Variants in CTNNA3 observed in about 807,000 individuals in gnomAD.
CTNNA3 encodes the protein catenin alpha 3, also known as catenin alpha-3.
A neutral mutation model predicts 95.7 loss-of-function variants in CTNNA3; 76 were observed. The ratio of observed to expected loss-of-function variants is 0.79; its 90% CI spans 0.66 to 0.96. The LOEUF is 0.96. Among genes scored for constraint, CTNNA3 ranks in the 40% least tolerant of loss-of-function variants. CTNNA3 has a pLI of 0.00. For missense variants in CTNNA3, 1,191 were observed against 1,089.8 expected (o/e 1.09, Z -1.31); for synonymous variants, 431 against 374.4 (o/e 1.15, Z -1.74).
intron 10 of CTNNA3, among the ~76,000 whole-genome samples, chr10:66,537,545 T>C (rs1841702805): frequency 6.6e-6 from 1 of 150,520 alleles, no homozygotes; most frequent in African/African-American, 2.4e-5. Context: ...GAATTATTTA[T>C]TTATTAAATT....
At chr10:67,400,992 T>C (rs1844896729) in intron 5 of CTNNA3, among the ~76,000 whole-genome samples, 1 of 152,212 alleles carries the variant, frequency 6.6e-6, no homozygotes, top group South Asian at 2.1e-4. Flanking sequence ...ATACTTCAGA[T>C]ATAAAATTTT....
chr10:66,529,823 G>A (rs981347935), intron 10 of CTNNA3, among the ~76,000 whole-genome samples: 1 of 152,084 alleles, frequency 6.6e-6, no homozygotes, highest in Non-Finnish European at 1.5e-5. Flanking sequence ...ACTCTAGATT[G>A]GAAGCCAAGA....
intron 1 of CTNNA3, among the ~76,000 whole-genome samples, chr10:67,735,146 A>AAC (rs200624685): frequency 0.055 from 4,734 of 85,810 alleles, 94 homozygotes; most frequent in Non-Finnish European, 0.07. Context: ...CACACACACA[A>AAC]ACACACACAC....
chr10:66,801,197 G>A (rs1249206589), intron 7 of CTNNA3, among the ~76,000 whole-genome samples: 1 of 151,264 alleles, frequency 6.6e-6, no homozygotes, highest in Non-Finnish European at 1.5e-5. Context: ...AAGAAAAAAT[G>A]TCTCACACAT....
At chr10:66,347,359 C>T (rs951290856) in intron 12 of CTNNA3, among the ~76,000 whole-genome samples, 1 of 151,918 alleles carries the variant, frequency 6.6e-6, no homozygotes, top group Non-Finnish European at 1.5e-5. Flanking sequence ...ACCTGTAATC[C>T]AAGCACTTTG....
chr10:66,404,427 C>A (rs140612506), intron 11 of CTNNA3, among the ~76,000 whole-genome samples: 61 of 152,238 alleles, frequency 4.0e-4, no homozygotes, highest in African/African-American at 1.3e-3. Flanking sequence ...GAACCTGTTA[C>A]ATGATTGACT....
rs1157714295 is a variant in CTNNA3, at chr10:66,861,286, CCACTGGG to C, written c.1048-85769_1048-85763del. 2.0e-5 allele frequency among the ~76,000 whole-genome samples: 3 copies of C among 152,254 alleles called. No homozygotes were observed. In the East Asian group the frequency reaches 5.8e-4, roughly 29 times the overall value. ...TGTTACAACATTGATAAGGAACTTC[CCACTGGG>C]GCCACTGTCTGTGTGGAGTTTGCAC... On this transcript the variant is annotated intron_variant, in intron 7 of 17. Transcript: ENST00000433211.
intron 7 of CTNNA3, among the ~76,000 whole-genome samples, chr10:66,934,047 T>C (rs986598513): frequency 2.0e-5 from 3 of 152,052 alleles, no homozygotes; most frequent in African/African-American, 7.2e-5. Context: ...CCTGAACACG[T>C]GAGGAAAATT....
At chr10:66,446,401 T>A (rs951953909) in intron 11 of CTNNA3, among the ~76,000 whole-genome samples, 1 of 152,054 alleles carries the variant, frequency 6.6e-6, no homozygotes, top group Non-Finnish European at 1.5e-5. Context: ...ATATCCTTGA[T>A]GAACATTGAT....
intron 7 of CTNNA3, among the ~76,000 whole-genome samples, chr10:66,794,820 A>T (rs1841125043): frequency 6.6e-6 from 1 of 152,046 alleles, no homozygotes; most frequent in Non-Finnish European, 1.5e-5. Flanking sequence ...GACATTCTAA[A>T]TCCTTTTTTG....
intron 5 of CTNNA3, among the ~76,000 whole-genome samples, chr10:67,327,800 G>A (rs1457868884): frequency 6.6e-6 from 1 of 152,244 alleles, no homozygotes; most frequent in Non-Finnish European, 1.5e-5. Context: ...GTTCACCACA[G>A]TGGCAAAGTC....
At chr10:67,240,803 G>A (rs187533636) in intron 5 of CTNNA3, among the ~76,000 whole-genome samples, 83 of 152,152 alleles carry the variant, frequency 5.5e-4, no homozygotes, top group African/African-American at 1.2e-3. Flanking sequence ...ATTCTAATGC[G>A]GACTACTGTG....
intron 5 of CTNNA3, among the ~76,000 whole-genome samples, chr10:67,346,128 T>C (rs994279653): frequency 2.6e-5 from 4 of 152,188 alleles, no homozygotes; most frequent in Non-Finnish European, 4.4e-5. Flanking sequence ...ATAAAAACTC[T>C]ATACTTTGTT....
intron 4 of CTNNA3, among the ~76,000 whole-genome samples, chr10:67,538,590 A>C (rs552895444): frequency 1.3e-5 from 2 of 151,952 alleles, no homozygotes; most frequent in African/African-American, 4.8e-5. Context: ...AAAAAAAAAA[A>C]GAAAAAAGGA....
chr10:66,213,819 C>G (rs997961436), intron 13 of CTNNA3, among the ~76,000 whole-genome samples: 1 of 152,202 alleles, frequency 6.6e-6, no homozygotes, highest in Non-Finnish European at 1.5e-5. Context: ...TAGGCTACTG[C>G]TTTGCAAAGC....
At chr10:66,219,793 A>G (rs1472456607) in intron 13 of CTNNA3, among the ~76,000 whole-genome samples, 2 of 152,176 alleles carry the variant, frequency 1.3e-5, no homozygotes, top group Non-Finnish European at 2.9e-5. Flanking sequence ...GTAATTTGTT[A>G]TGCAGCAATA....
chr10:65,982,039 T>C, intron 16 of CTNNA3, among the ~76,000 whole-genome samples: 1 of 151,416 alleles, frequency 6.6e-6, no homozygotes, highest in Non-Finnish European at 1.5e-5. Context: ...GAAAAAGAAA[T>C]AATCAGCAGA....
intron 3 of CTNNA3, among the ~76,000 whole-genome samples, chr10:67,605,664 A>G (rs1259354204): frequency 6.6e-6 from 1 of 152,208 alleles, no homozygotes; most frequent in Non-Finnish European, 1.5e-5. Flanking sequence ...TTTTAAAAAT[A>G]AATTCACATA....
chr10:67,704,817 A>C (rs1370455694), intron 1 of CTNNA3, among the ~76,000 whole-genome samples: 1 of 152,240 alleles, frequency 6.6e-6, no homozygotes, highest in African/African-American at 2.4e-5. Context: ...CAGCAAAACA[A>C]ACTACCATCA....
Sources: gnomAD v4.1 joint callset for allele counts (sites outside exome capture counted in the v4.1 genomes callset) on GRCh38, gnomAD v4.1.1 for gene constraint, MANE v1.5 for transcripts, NCBI Gene and HGNC (gene_info 2026-07-23, HGNC 2026-07-21) for gene names.